Variants in AGK observed in about 807,000 individuals in gnomAD.
AGK encodes the protein acylglycerol kinase, also known as acylglycerol kinase, mitochondrial.
AGK carries 52 observed loss-of-function variants against 66.4 expected under a neutral mutation model. The observed-to-expected ratio is 0.78, with a 90% CI of 0.63 to 0.99. The LOEUF (loss-of-function observed/expected upper bound fraction) is 0.99. Ranked by LOEUF, AGK falls within the 50% of genes least tolerant of loss-of-function variation. The pLI, the probability that AGK is intolerant of heterozygous loss-of-function variation, is 0.00. For synonymous variants in AGK, 182 were observed against 181.1 expected, an observed-to-expected ratio of 1.00 and a Z score of -0.04; for missense variants, 451 against 506.6, an observed-to-expected ratio of 0.89 and a Z score of 1.05.
chr7:141,563,479 A>G (rs568063385), intron 2 of AGK, among the ~76,000 whole-genome samples: 6 of 152,182 alleles, frequency 3.9e-5, no homozygotes, highest in Admixed American at 3.3e-4. Context: ...CTGGCTTATC[A>G]ATGCCATTTT....
chr7:141,625,391 C>T (rs546859869), intron 9 of AGK, among the ~76,000 whole-genome samples: 1 of 151,936 alleles, frequency 6.6e-6, no homozygotes, highest in East Asian at 1.9e-4. Flanking sequence ...ACTCTGTCAC[C>T]GAGGCTGGAG....
At chr7:141,564,811 C>A (rs1340767487) in intron 2 of AGK, among the ~76,000 whole-genome samples, 1 of 152,104 alleles carries the variant, frequency 6.6e-6, no homozygotes, top group East Asian at 1.9e-4. Context: ...CTCACCACAA[C>A]CTCTGCCTTC....
chr7:141,593,631 A>G (rs1032793567), intron 3 of AGK: 3 of 524,780 alleles, frequency 5.7e-6, no homozygotes, highest in African/African-American at 5.7e-5. Flanking sequence ...CAACTGATCC[A>G]TATCATGTAC....
rs140052187 is a variant in AGK at position 141,576,765 on chromosome 7, C to T, written c.102-16381C>T. ...AACAAAAAATAAAATTCAGGCCAGG[C>T]GTGGTGGCTCATGCCTGTAATCCCA... On this transcript the variant is annotated intron_variant, in intron 2 of 15. Transcript: ENST00000649286. Among the ~76,000 whole-genome samples, 31 of 152,096 alleles carry T rather than the reference C, an allele frequency of 2.0e-4. No homozygotes were observed. The East Asian group carries it at 2.9e-3, about 14-fold the overall frequency.
chr7:141,614,183 G>A lies in AGK; in HGVS notation c.423+5G>A. 1 of 1,512,188 alleles carries A rather than the reference G, an allele frequency of 6.6e-7. No individual in the cohort carries two copies. Among genetic ancestry groups the A allele is most frequent in the Middle Eastern group, 1.8e-4 (1 of 5,656 alleles). 93.7% of individuals were successfully genotyped at this position (1,512,188 alleles called of 1,614,324 possible). A position where few individuals can be genotyped will look rare whatever the true frequency, so the allele number is the denominator to read the frequency against. Reference sequence around the variant, plus strand: ...GTTCTTCGACGAACAGATGAGGTGAGCATTAAAGAGTAATTGCATTTTAAC... The same window carrying A: ...GTTCTTCGACGAACAGATGAGGTGAACATTAAAGAGTAATTGCATTTTAAC... On this transcript the variant is annotated splice_donor_5th_base_variant and intron_variant, in intron 7 of 15. Coordinates refer to ENST00000649286, the MANE Select transcript of AGK (RefSeq NM_018238.4).
chr7:141,648,037 C>T (rs369439429), intron 13 of AGK, among the ~76,000 whole-genome samples: 14 of 152,186 alleles, frequency 9.2e-5, no homozygotes, highest in Non-Finnish European at 1.8e-4. Flanking sequence ...TCTACAGTGG[C>T]ACCTGCTAAA....
chr7:141,633,088 C>T (rs967877206), intron 9 of AGK, among the ~76,000 whole-genome samples: 3 of 152,164 alleles, frequency 2.0e-5, no homozygotes, highest in Non-Finnish European at 4.4e-5. Context: ...CAAGCTGGTT[C>T]TGCCCACTTT....
At chr7:141,621,547 A>T (rs1045633823) in intron 8 of AGK, among the ~76,000 whole-genome samples, 185 bp from the exon 9 acceptor site, 1 of 152,178 alleles carries the variant, frequency 6.6e-6, no homozygotes, top group South Asian at 2.1e-4. Context: ...TTGAGTCCCT[A>T]TAAACTACTA....
At chr7:141,652,309 T>C (rs1438031671) in intron 15 of AGK, 1 of 155,586 alleles carries the variant, frequency 6.4e-6, no homozygotes, top group Non-Finnish European at 1.4e-5. Flanking sequence ...TTAATGTTGA[T>C]ACACCTTGGG....
At position 141,654,556 on chromosome 7, in the gene AGK, C is replaced by G. The variant is rs1797644312; in HGVS notation, c.*1632C>G. The G allele has an allele frequency of 6.6e-6, 1 of 152,200 alleles. No homozygotes were observed. The highest frequency in any genetic ancestry group is 2.1e-4 in the South Asian group (1 of 4,836). 9.4% of individuals were successfully genotyped at this position (152,200 alleles called of 1,614,324 possible). On this transcript the variant is annotated 3_prime_UTR_variant, in exon 16 of 16. Coordinates refer to ENST00000649286, the MANE Select transcript of AGK (RefSeq NM_018238.4). Reference sequence around the variant, plus strand: ...TTGAAAGCAGAGAACTGAAATCCACCTGATTTACCATGGCTTTGCCAGCCA... The same window carrying G: ...TTGAAAGCAGAGAACTGAAATCCACGTGATTTACCATGGCTTTGCCAGCCA...
rs1454893023 is a variant in AGK, at chr7:141,598,681, G to C, written c.221+2040G>C. On this transcript the variant is annotated intron_variant, in intron 4 of 15. Transcript: ENST00000649286. This position sits in a 1 kb window ranked among gnomAD's most constrained non-coding sequence, Gnocchi z 4.2. ...GCTGAAATTGTTACTCTTGACTATG[G>C]GTTAGGTTCAGAACAGTCTTCACTT... Among the ~76,000 whole-genome samples, 1 of 152,080 alleles carries C rather than the reference G, an allele frequency of 6.6e-6. No individual in the cohort carries two copies. Among genetic ancestry groups the C allele is most frequent in the Non-Finnish European group, 1.5e-5 (1 of 68,008 alleles).
intron 2 of AGK, among the ~76,000 whole-genome samples, chr7:141,590,849 A>T (rs1796098329): frequency 6.6e-6 from 1 of 152,146 alleles, no homozygotes; most frequent in Admixed American, 6.5e-5. Context: ...CCTGTGGGTC[A>T]TTCAAAAAAA....
chr7:141,649,296 C>G lies in AGK; in HGVS notation c.1009C>G (p.Pro337Ala). 6.2e-7 allele frequency: 1 copy of G among 1,613,600 alleles called. No homozygotes were observed. Among genetic ancestry groups the G allele is most frequent in the Non-Finnish European group, 8.5e-7 (1 of 1,179,622 alleles). ...AGATTTTCTGAATATCTGCATTGAA[C>G]CTGACACCATCAGCAAAGGAGACTT... ...KEDFLNICIE[P>A]DTISKGDFIT... The change falls in exon 14 of 16, where the codon CCT becomes GCT. Residue 337 changes from proline (P) to alanine (A), a missense_variant. By Grantham distance (27) the Pro-to-Ala change is conservative (BLOSUM62 -1). Transcript: ENST00000649286.
chr7:141,622,074 T>C (rs1489999476), intron 9 of AGK, among the ~76,000 whole-genome samples: 1 of 152,078 alleles, frequency 6.6e-6, no homozygotes, highest in African/African-American at 2.4e-5. Context: ...AGTTCAGTAG[T>C]GTTAAGTACA....
rs762998405 is a variant in AGK at position 141,652,901 on chromosome 7, AT to A, written c.1247del (p.Met416SerfsTer73). On this transcript the variant is annotated frameshift_variant, in exon 16 of 16. Coordinates refer to ENST00000649286, the MANE Select transcript of AGK (RefSeq NM_018238.4). LOFTEE classifies it high-confidence loss of function. ...FFCDPRKREQMLTSPTQ is the reference protein window; with the variant it reads ...FFCDPRKREQXLTSPTQ Reference sequence around the variant, plus strand: ...CTGTGATCCTAGGAAGAGAGAACAGATGCTCACAAGCCCCACCCAGTGAGCA... The same window carrying A: ...CTGTGATCCTAGGAAGAGAGAACAGAGCTCACAAGCCCCACCCAGTGAGCA... 23 of 1,614,048 alleles carry A rather than the reference AT, an allele frequency of 1.4e-5. No individual in the cohort carries two copies. In the South Asian group the frequency reaches 1.5e-4, roughly 11 times the overall value.
chr7:141,649,172 T>G (rs1797490565), intron 13 of AGK, 91 bp from the exon 14 acceptor site: 2 of 764,580 alleles, frequency 2.6e-6, no homozygotes, highest in African/African-American at 1.7e-5. Context: ...ATATATAGCT[T>G]CAAACTATGA....
At chr7:141,604,669 C>T (rs182074324) in intron 5 of AGK, among the ~76,000 whole-genome samples, 1,580 of 149,568 alleles carry the variant, frequency 0.011, 23 homozygotes, top group African/African-American at 0.036. Context: ...CTGCACCCTC[C>T]GCCTCCCGGG....
chr7:141,614,168 G>T lies in AGK; in HGVS notation c.413G>T (p.Arg138Leu). The change falls in exon 7 of 16, where the codon CGA (arginine) becomes CTA (leucine). Residue 138 changes from arginine to leucine, a missense_variant. Transcript: ENST00000649286. ...LQEVVTGVLR[R>L]TDEATFSKIP... is the part of the protein sequence containing the mutation. ...TAGGTTGTTACTGGTGTTCTTCGAC[G>T]AACAGATGAGGTGAGCATTAAAGAG... is the stretch of plus-strand genomic sequence containing the variant. 1 of 1,534,814 alleles carries T rather than the reference G, an allele frequency of 6.5e-7. No homozygotes were observed. The highest frequency in any genetic ancestry group is 1.2e-5 in the South Asian group (1 of 82,242).
At chr7:141,571,266 T>C (rs116304954) in intron 2 of AGK, among the ~76,000 whole-genome samples, 2,538 of 152,336 alleles carry the variant, frequency 0.017, 87 homozygotes, top group African/African-American at 0.056. Flanking sequence ...ATCCCTCCTG[T>C]GTCTTGTCAG....
Sources: allele counts gnomAD v4.1 joint callset (sites outside exome capture counted in the v4.1 genomes callset), GRCh38; gene constraint gnomAD v4.1.1; non-coding constraint Gnocchi (gnomAD v3.1); transcripts MANE v1.5; gene names NCBI Gene and HGNC (gene_info 2026-07-23, HGNC 2026-07-21).